UPP2: variants seen among roughly 807,000 people sequenced by gnomAD.
UPP2 encodes UPase 2.
In UPP2, 23 loss-of-function variants were observed where a neutral mutation model predicts 26.7. That is an observed-to-expected ratio of 0.86 (90% confidence interval 0.62 to 1.22). UPP2 has a LOEUF of 1.22. Among genes scored for constraint, UPP2 ranks in the 50% most tolerant of loss-of-function variants. UPP2 has a pLI of 0.00. For synonymous variants in UPP2, 127 were observed against 141.3 expected (o/e 0.90, Z 0.72); for missense variants, 387 against 396.7 (o/e 0.98, Z 0.21).
intron 3 of UPP2, among the ~76,000 whole-genome samples, chr2:158,090,873 C>G (rs1253709143): frequency 6.6e-6 from 1 of 152,172 alleles, no homozygotes; most frequent in African/African-American, 2.4e-5. Context: ...TGGGATTCTG[C>G]AGGATGTATA....
chr2:158,031,484 A>G (rs1683919995), intron 3 of UPP2, among the ~76,000 whole-genome samples: 1 of 152,142 alleles, frequency 6.6e-6, no homozygotes, highest in Non-Finnish European at 1.5e-5. Context: ...CGAGATTTTG[A>G]GGCCCTGGAG....
intron 3 of UPP2, among the ~76,000 whole-genome samples, chr2:158,025,590 A>G (rs1356538509): frequency 6.6e-6 from 1 of 152,232 alleles, no homozygotes; most frequent in African/African-American, 2.4e-5. Flanking sequence ...TGTGACCTCA[A>G]GGACAGAGCA....
At chr2:158,083,339 A>T (rs947915146) in intron 3 of UPP2, among the ~76,000 whole-genome samples, 1 of 151,920 alleles carries the variant, frequency 6.6e-6, no homozygotes, top group Non-Finnish European at 1.5e-5. Flanking sequence ...GGATAAAGAA[A>T]ATTGGCATAT....
chr2:158,065,211 A>C (rs1422566849), intron 3 of UPP2, among the ~76,000 whole-genome samples: 2 of 152,220 alleles, frequency 1.3e-5, no homozygotes, highest in African/African-American at 4.8e-5. Flanking sequence ...AGGAAACTGT[A>C]GAAATTCATT....
intron 3 of UPP2, among the ~76,000 whole-genome samples, chr2:158,070,992 C>T (rs1371806266): frequency 1.3e-5 from 2 of 152,138 alleles, no homozygotes; most frequent in Non-Finnish European, 2.9e-5. Context: ...TCAGCCTTAG[C>T]CGGAGGGGGA....
At chr2:158,073,784 C>T (rs1425716633) in intron 3 of UPP2, among the ~76,000 whole-genome samples, 3 of 152,186 alleles carry the variant, frequency 2.0e-5, no homozygotes, top group African/African-American at 7.2e-5. Flanking sequence ...CCTAGACAAA[C>T]AACAGCTGAG....
At chr2:158,007,064 G>C (rs1413634012) in intron 2 of UPP2, among the ~76,000 whole-genome samples, 1 of 152,100 alleles carries the variant, frequency 6.6e-6, no homozygotes, top group African/African-American at 2.4e-5. Flanking sequence ...CCTTCTCTGA[G>C]ACTGGCATTC....
chr2:158,115,354 G>A lies in UPP2; in HGVS notation c.339+95G>A, dbSNP rs765855784. ...AGGAGTTCTTTTTCCCTCCAGCTTC[G>A]CATTCTTACACAATCAAACAAGGTG... On this transcript the variant is annotated intron_variant, in intron 3 of 6. Coordinates refer to ENST00000005756, the MANE Select transcript of UPP2 (RefSeq NM_173355.4). 3.0e-4 allele frequency: 422 copies of A among 1,414,528 alleles called. 1 individual carries two copies. Among genetic ancestry groups the A allele is most frequent in the Non-Finnish European group, 3.5e-4 (379 of 1,069,240 alleles). 87.6% of individuals were successfully genotyped at this position (1,414,528 alleles called of 1,614,324 possible). A position where few individuals can be genotyped will look rare whatever the true frequency, so the allele number is the denominator to read the frequency against.
chr2:158,072,651 GAC>G (rs1682561425), intron 3 of UPP2, among the ~76,000 whole-genome samples: 3 of 135,120 alleles, frequency 2.2e-5, no homozygotes, highest in African/African-American at 9.6e-5. Flanking sequence ...GAGACAGACA[GAC>G]AGACAGACAG....
At chr2:158,030,519 T>A (rs2105155828) in intron 3 of UPP2, among the ~76,000 whole-genome samples, 1 of 152,294 alleles carries the variant, frequency 6.6e-6, no homozygotes, top group Non-Finnish European at 1.5e-5. Flanking sequence ...CTCCTGAAGT[T>A]AAGGCTTGGA....
chr2:158,041,598 G>T (rs192104857), intron 3 of UPP2, among the ~76,000 whole-genome samples: 3 of 152,322 alleles, frequency 2.0e-5, no homozygotes, highest in East Asian at 3.9e-4. Context: ...ATTTGCATTT[G>T]ATTTGCATTG....
At chr2:158,021,003 T>C (rs1683742017) in intron 3 of UPP2, among the ~76,000 whole-genome samples, 1 of 152,208 alleles carries the variant, frequency 6.6e-6, no homozygotes, top group Admixed American at 6.5e-5. Flanking sequence ...GCTGCTTGGC[T>C]CTACTCTAGG....
At chr2:158,129,484 G>C (rs1336338542) in intron 6 of UPP2, among the ~76,000 whole-genome samples, 1 of 152,064 alleles carries the variant, frequency 6.6e-6, no homozygotes, top group Non-Finnish European at 1.5e-5. Flanking sequence ...AGGATGAAAT[G>C]AGGTCTAGAG....
chr2:158,054,416 G>A (rs183955756), intron 3 of UPP2, among the ~76,000 whole-genome samples: 2 of 147,244 alleles, frequency 1.4e-5, no homozygotes, highest in African/African-American at 5.0e-5. Flanking sequence ...CTTGCAATGT[G>A]TAGAGAAAGA....
chr2:158,130,450 CAAAAAA>C lies in UPP2; in HGVS notation c.812-4292_812-4287del, dbSNP rs558287372. On this transcript the variant is annotated intron_variant, in intron 6 of 6. Transcript: ENST00000005756. ...TGGGTGACAGAGCAAGAATCCGTCT[CAAAAAA>C]AAAAACAAAAAAAAAAAACCACTGT... 2.1e-3 allele frequency among the ~76,000 whole-genome samples: 279 copies of C among 131,878 alleles called. 1 individual carries two copies. Among genetic ancestry groups the C allele is most frequent in the African/African-American group, 4.8e-3 (166 of 34,332 alleles). The allele number at this position is 131,878 out of a possible 152,430, so 86.5% of individuals were successfully genotyped here.
At chr2:158,041,321 T>A (rs995408696) in intron 3 of UPP2, among the ~76,000 whole-genome samples, 1 of 152,238 alleles carries the variant, frequency 6.6e-6, no homozygotes, top group Admixed American at 6.5e-5. Flanking sequence ...AATTTTAGAA[T>A]CAGGAAATGA....
At chr2:158,121,674 T>C in intron 5 of UPP2, 56 bp downstream of exon 5, 1 of 1,456,886 alleles carries the variant, frequency 6.9e-7, no homozygotes. Flanking sequence ...AACTCTTTGT[T>C]ATTCAAACCC....
At chr2:158,101,796 G>A, upstream of UPP2, 1 of 1,176,190 alleles carries the variant, frequency 8.5e-7, no homozygotes, top group Non-Finnish European at 1.1e-6. Context: ...TTCAAAGGGG[G>A]CCTATCTTCT....
At chr2:158,114,617 A>T (rs2105221328) in intron 2 of UPP2, among the ~76,000 whole-genome samples, 1 of 152,322 alleles carries the variant, frequency 6.6e-6, no homozygotes, top group Admixed American at 6.5e-5. Context: ...TTCCTTTAAA[A>T]TTTTAAGTTC....
Sources: gnomAD v4.1 joint callset for allele counts (sites outside exome capture counted in the v4.1 genomes callset) on GRCh38, gnomAD v4.1.1 for gene constraint, MANE v1.5 for transcripts, NCBI Gene and HGNC (gene_info 2026-07-23, HGNC 2026-07-21) for gene names.